DNM3: variants seen among roughly 807,000 people sequenced by gnomAD.
DNM3 encodes the protein dynamin-3.
In DNM3, 47 loss-of-function variants were observed where a neutral mutation model predicts 101.6. That is an observed-to-expected ratio of 0.46 (90% CI 0.37 to 0.59). DNM3 has a LOEUF of 0.59. Among genes scored for constraint, DNM3 ranks in the 20% least tolerant of loss-of-function variants. The probability of loss-of-function intolerance (pLI) is 0.00; values close to 1 mark genes in which losing one functional copy is unlikely to be tolerated. For missense variants in DNM3, 849 were observed against 1,085.7 expected (o/e 0.78, Z 3.06); for synonymous variants, 385 against 387.9 (o/e 0.99, Z 0.09).
At chr1:172,264,534 G>A (rs539911812) in intron 15 of DNM3, among the ~76,000 whole-genome samples, 12 of 152,224 alleles carry the variant, frequency 7.9e-5, no homozygotes, top group African/African-American at 2.6e-4. Context: ...ATGAGGTTAC[G>A]CTTGATTAAT....
chr1:172,241,889 T>C (rs1248721753), intron 14 of DNM3, among the ~76,000 whole-genome samples: 1 of 152,116 alleles, frequency 6.6e-6, no homozygotes, highest in African/African-American at 2.4e-5. Context: ...AAGAGCAAGA[T>C]TGGGAAGGGT....
chr1:172,116,717 T>C (rs1042314380), intron 13 of DNM3, among the ~76,000 whole-genome samples: 2 of 152,140 alleles, frequency 1.3e-5, no homozygotes, highest in African/African-American at 4.8e-5. Context: ...AGTTAAAAGG[T>C]GTGTTTATCT....
At chr1:172,310,179 C>T (rs543071120) in intron 16 of DNM3, 1 of 152,326 alleles carries the variant, frequency 6.6e-6, no homozygotes, top group South Asian at 2.1e-4. Context: ...CAGAGTACCA[C>T]TTTTACTTTT....
At chr1:172,193,063 G>A (rs1448772618) in intron 14 of DNM3, among the ~76,000 whole-genome samples, 2 of 151,606 alleles carry the variant, frequency 1.3e-5, no homozygotes, top group African/African-American at 4.9e-5. Flanking sequence ...TTTAATGATT[G>A]CCATTCTAAC....
At chr1:172,346,168 G>T (rs1034216882) in intron 17 of DNM3, among the ~76,000 whole-genome samples, 5 of 151,136 alleles carry the variant, frequency 3.3e-5, no homozygotes, top group Non-Finnish European at 7.4e-5. Flanking sequence ...ATGTAGATTA[G>T]CAAATGCTTT....
chr1:172,408,975 T>G lies in DNM3; in HGVS notation c.*1134T>G, dbSNP rs1433748700. 5 of 985,232 alleles carry G rather than the reference T, an allele frequency of 5.1e-6. No homozygotes were observed. The highest frequency in any genetic ancestry group is 6.0e-6 in the Non-Finnish European group (5 of 829,874). 61.0% of individuals were successfully genotyped at this position (985,232 alleles called of 1,614,324 possible). A position where few individuals can be genotyped will look rare whatever the true frequency, so the allele number is the denominator to read the frequency against. On this transcript the variant is annotated 3_prime_UTR_variant, in exon 21 of 21. Transcript: ENST00000627582. ...CTTTTACAGTTGCAGTATTTCAAAG[T>G]CCCTATCCAGGTCACTCCAGAAAAG...
intron 17 of DNM3, among the ~76,000 whole-genome samples, chr1:172,325,703 A>T: frequency 6.6e-6 from 1 of 152,172 alleles, no homozygotes; most frequent in East Asian, 1.9e-4. Flanking sequence ...CCATGCTGGA[A>T]TGCTTGTTCT....
intron 13 of DNM3, chr1:172,093,605 C>T: frequency 8.7e-7 from 1 of 1,144,724 alleles, no homozygotes; most frequent in South Asian, 1.7e-5. Context: ...AGATTTTTTT[C>T]CCATTGTTTT....
intron 15 of DNM3, among the ~76,000 whole-genome samples, chr1:172,283,437 A>G (rs569384621): frequency 2.9e-4 from 44 of 152,192 alleles, no homozygotes; most frequent in Non-Finnish European, 5.3e-4. Context: ...AAGCCTTTTC[A>G]GTCATTCCTC....
chr1:171,979,657 G>T (rs978746742), intron 2 of DNM3, among the ~76,000 whole-genome samples: 4 of 152,148 alleles, frequency 2.6e-5, no homozygotes, highest in African/African-American at 9.7e-5. Flanking sequence ...GCTGGCCTTG[G>T]TCTTGTCCAC....
In DNM3 at chr1:172,290,572, T is replaced by C. The variant is rs80024312; in HGVS notation, c.1770-18156T>C. On this transcript the variant is annotated intron_variant, in intron 15 of 20. Coordinates refer to ENST00000627582, the MANE Select transcript of DNM3 (RefSeq NM_015569.5). ...ACCTTTTTCCACTCGCCGTGAGAAG[T>C]GACTGGAGGATAGTAAACAGGGTGG... 1.9e-4 allele frequency among the ~76,000 whole-genome samples: 29 copies of C among 152,148 alleles called. No homozygotes were observed. The East Asian group carries it at 5.4e-3, about 28-fold the overall frequency.
intron 6 of DNM3, among the ~76,000 whole-genome samples, chr1:172,034,099 A>G (rs966592148): frequency 1.2e-4 from 19 of 152,190 alleles, no homozygotes; most frequent in African/African-American, 4.6e-4. Flanking sequence ...GAAAGTATCA[A>G]TAGCTGTCAC....
intron 15 of DNM3, among the ~76,000 whole-genome samples, chr1:172,298,647 T>C (rs2064277826): frequency 1.3e-5 from 2 of 152,052 alleles, no homozygotes; most frequent in Non-Finnish European, 2.9e-5. Flanking sequence ...CTGTTTGAAC[T>C]GAGTAAGAAG....
chr1:172,085,406 C>T (rs1028612546), intron 12 of DNM3, among the ~76,000 whole-genome samples: 2 of 152,052 alleles, frequency 1.3e-5, no homozygotes, highest in Admixed American at 1.3e-4. Context: ...AGTGGAATGC[C>T]TTGGGAAGTG....
intron 10 of DNM3, among the ~76,000 whole-genome samples, chr1:172,048,967 A>T (rs2050010817): frequency 6.6e-6 from 1 of 152,160 alleles, no homozygotes; most frequent in African/African-American, 2.4e-5. Context: ...TAGAAAGAGT[A>T]TATTTCTTTG....
rs138615101 is a variant in DNM3 at position 171,908,385 on chromosome 1, G to T, written c.162-13363G>T. On this transcript the variant is annotated intron_variant, in intron 1 of 20. Coordinates refer to ENST00000627582, the MANE Select transcript of DNM3 (RefSeq NM_015569.5). ...GATTAACAAAAGTAATATAGATTAG[G>T]TTGCATAAATATGTAATTAAATAAT... Among the ~76,000 whole-genome samples the T allele has an allele frequency of 2.2e-4, 33 of 152,220 alleles. No homozygotes were observed. The East Asian group carries it at 6.4e-3, about 29-fold the overall frequency.
At chr1:172,032,600 T>G in intron 5 of DNM3, 100 bp downstream of exon 5, 1 of 653,292 alleles carries the variant, frequency 1.5e-6, no homozygotes, top group Non-Finnish European at 2.5e-6. Flanking sequence ...GGAGGTTTGG[T>G]TTTAATGCCT....
intron 6 of DNM3, among the ~76,000 whole-genome samples, chr1:172,035,597 G>A (rs543390003): frequency 3.9e-5 from 6 of 152,288 alleles, no homozygotes; most frequent in South Asian, 2.1e-4. Context: ...TTAGAAAGCC[G>A]CAGTATTGCT....
At chr1:172,207,910 A>G (rs1227588736) in intron 14 of DNM3, among the ~76,000 whole-genome samples, 1 of 152,208 alleles carries the variant, frequency 6.6e-6, no homozygotes, top group Admixed American at 6.6e-5. Context: ...CTTTTTAGAG[A>G]ATACAAAGAA....
Sources: gnomAD v4.1 joint callset for allele counts (sites outside exome capture counted in the v4.1 genomes callset) on GRCh38, gnomAD v4.1.1 for gene constraint, MANE v1.5 for transcripts, NCBI Gene and HGNC (gene_info 2026-07-23, HGNC 2026-07-21) for gene names.